The following SCAF1 variants were observed in gnomAD, a reference collection of about 807,000 sequenced individuals.
The protein encoded by SCAF1 is SR-related CTD associated factor 1.
In SCAF1, 28 loss-of-function variants were observed where a neutral mutation model predicts 91.2. The ratio of observed to expected loss-of-function variants is 0.31; its 90% CI spans 0.23 to 0.42. The LOEUF (loss-of-function observed/expected upper bound fraction) is 0.42. Among genes scored for constraint, SCAF1 ranks in the 10% least tolerant of loss-of-function variants. The probability of loss-of-function intolerance (pLI) is 1.00; values close to 1 mark genes in which losing one functional copy is unlikely to be tolerated. For missense variants in SCAF1, 1,893 were observed against 1,872.1 expected, an observed-to-expected ratio of 1.01 and a Z score of -0.21; for synonymous variants, 1,036 against 833.7, an observed-to-expected ratio of 1.24 and a Z score of -4.18.
Position 49,652,869 on chromosome 19 carries a change from C to T in SCAF1, c.2480C>T (p.Ser827Phe). ...TCTTCATCCTCGTCGTCCTCCTGTTCTTCCCGGAAGGTGAAGCTGCAGTCC... is the reference window on the plus strand; with the variant it reads ...TCTTCATCCTCGTCGTCCTCCTGTTTTTCCCGGAAGGTGAAGCTGCAGTCC... ...SGSSSSSSSC[S>F]SRKVKLQSKV... The change falls in exon 7 of 11, where the codon TCT becomes TTT. Residue 827 changes from serine (S) to phenylalanine (F), a missense_variant. Ser to Phe is a radical substitution (Grantham distance 155). Around this residue, in one of 5 missense-constraint regions of SCAF1, gnomAD observed 1,436 missense variants for 1,306.8 expected, o/e 1.10. Transcript: ENST00000360565. The T allele has an allele frequency of 1.2e-6, 2 of 1,614,074 alleles. No homozygotes were observed. The highest frequency in any genetic ancestry group is 1.1e-5 in the South Asian group (1 of 91,074).
chr19:49,651,916 C>CGCT lies in SCAF1; in HGVS notation c.1532_1534dup (p.Ala511dup). On this transcript the variant is annotated inframe_insertion, in exon 7 of 11. Coordinates refer to ENST00000360565, the MANE Select transcript of SCAF1 (RefSeq NM_021228.3). ...CGGCGCCCGCGCCCGCCCCGGCCGC[C>CGCT]GCTGCTGGTCCGCCCACGCGCAAGA... 1 of 1,153,154 alleles carries CGCT rather than the reference C, an allele frequency of 8.7e-7. No individual in the cohort carries two copies. The highest frequency in any genetic ancestry group is 2.2e-5 in the South Asian group (1 of 44,570). 71.4% of individuals were successfully genotyped at this position (1,153,154 alleles called of 1,614,324 possible).
rs763780853 is a variant in SCAF1, at chr19:49,646,657, G to T, written c.362+31G>T. 7 of 1,613,008 alleles carry T rather than the reference G, an allele frequency of 4.3e-6. No individual in the cohort carries two copies. In the South Asian group the frequency reaches 6.6e-5, roughly 15 times the overall value. ...TAGCTGGGCAGCTGGAGTGGGAGAG[G>T]CCTCAGCGTGAGAGCCAGAAGCACC... On this transcript the variant is annotated intron_variant, in intron 5 of 10. Transcript: ENST00000360565. This position sits in a 1 kb window ranked among gnomAD's most constrained non-coding sequence, Gnocchi z 5.6.
chr19:49,652,137 C>A lies in SCAF1; in HGVS notation c.1748C>A (p.Thr583Asn), dbSNP rs896654182. The change falls in exon 7 of 11, where the codon ACC becomes AAC. Residue 583 changes from threonine (T) to asparagine (N), a missense_variant. Physicochemically the swap from Thr to Asn is moderately conservative, Grantham distance 65 (BLOSUM62 0). This residue lies in a region of SCAF1 where 1,436 missense variants were observed against 1,306.8 expected (regional missense o/e 1.10). Transcript: ENST00000360565. ...CGCTCCCGCTCCCGCTCCCGCTCCA[C>A]CCGCCGCCGCTCGCGCAGCACCGAC... ...RSRSRSRSRS[T>N]RRRSRSTDRR... is the part of the protein sequence containing the mutation. The A allele has an allele frequency of 4.6e-6, 5 of 1,094,416 alleles. No homozygotes were observed. Among genetic ancestry groups the A allele is most frequent in the South Asian group, 2.4e-5 (1 of 41,032 alleles). The allele number at this position is 1,094,416 out of a possible 1,614,324, so 67.8% of individuals were successfully genotyped here. A position where few individuals can be genotyped will look rare whatever the true frequency, so the allele number is the denominator to read the frequency against.
At position 49,652,624 on chromosome 19, in the gene SCAF1, G is replaced by A; in HGVS notation, c.2235G>A (p.Lys745=). The A allele has an allele frequency of 1.3e-6, 2 of 1,563,510 alleles. No individual in the cohort carries two copies. The highest frequency in any genetic ancestry group is 1.7e-6 in the Non-Finnish European group (2 of 1,154,096). ...EGLSGEERGG[K]SSQKDRRRSG... The stretch of plus-strand genomic sequence containing the variant: ...TGAGCGGCGAGGAGCGGGGCGGCAA[G>A]AGCAGCCAGAAGGATCGGCGCCGCT... The change falls in exon 7 of 11, where the codon AAG becomes AAA. Residue 745 remains lysine (K), a synonymous_variant. Coordinates refer to ENST00000360565, the MANE Select transcript of SCAF1 (RefSeq NM_021228.3).
At chr19:49,654,215 G>A in intron 7 of SCAF1, 134 bp from the exon 8 acceptor site, 1 of 726,818 alleles carries the variant, frequency 1.4e-6, no homozygotes, top group South Asian at 1.8e-5. Flanking sequence ...CCTTTTCCCA[G>A]TTCTGAGCGT....
chr19:49,654,811 G>A lies in SCAF1; in HGVS notation c.3559G>A (p.Ala1187Thr). 6.2e-7 allele frequency: 1 copy of A among 1,612,508 alleles called. No homozygotes were observed. The highest frequency in any genetic ancestry group is 8.5e-7 in the Non-Finnish European group (1 of 1,179,298). Residue 1187 changes from alanine to threonine, a missense_variant, in exon 9 of 11, where the codon GCC (alanine) becomes ACC (threonine). Around this residue, in one of 5 missense-constraint regions of SCAF1, gnomAD observed 1,436 missense variants for 1,306.8 expected, o/e 1.10. Coordinates refer to ENST00000360565, the MANE Select transcript of SCAF1 (RefSeq NM_021228.3). Reference protein sequence around the residue: ...STPPTPTGLAATSDKREGSSS... With the variant: ...STPPTPTGLATTSDKREGSSS... ...CCCCCCCACCCCCACCGGGCTGGCT[G>A]CCACGTCTGACAAGAGAGAGGGCAG... is the stretch of plus-strand genomic sequence containing the variant.
Position 49,650,854 on chromosome 19 carries a change from C to G in SCAF1, c.479-14C>G, listed in dbSNP as rs559964552. 1 of 1,602,066 alleles carries G rather than the reference C, an allele frequency of 6.2e-7. No individual in the cohort carries two copies. The highest frequency in any genetic ancestry group is 1.3e-5 in the African/African-American group (1 of 74,708). On this transcript the variant is annotated splice_polypyrimidine_tract_variant and intron_variant, in intron 6 of 10. Transcript: ENST00000360565. Reference sequence around the variant, plus strand: ...AAAGGCCCTGACCGCCTCTCTCTCCCTGTTCCTTTGCAGTTTCTCCACAGT... The same window carrying G: ...AAAGGCCCTGACCGCCTCTCTCTCCGTGTTCCTTTGCAGTTTCTCCACAGT...
At chr19:49,648,303 G>C (rs1016357316) in intron 6 of SCAF1, among the ~76,000 whole-genome samples, 8 of 151,888 alleles carry the variant, frequency 5.3e-5, no homozygotes, top group African/African-American at 1.9e-4. Context: ...GTAGAGGTAG[G>C]GTTTCACTGT....
chr19:49,657,718 C>G (rs753445942), intron 9 of SCAF1, 43 bp from the exon 10 acceptor site: 12 of 1,567,320 alleles, frequency 7.7e-6, no homozygotes, highest in South Asian at 1.2e-5. Context: ...CAGGTACTCA[C>G]TGGCCCTTGC....
Position 49,652,532 on chromosome 19 carries a change from C to A in SCAF1, c.2143C>A (p.Pro715Thr), listed in dbSNP as rs754301754. 3 of 1,568,276 alleles carry A rather than the reference C, an allele frequency of 1.9e-6. No individual in the cohort carries two copies. In the Admixed American group the frequency reaches 5.5e-5, roughly 29 times the overall value. The change falls in exon 7 of 11, where the codon CCC becomes ACC. Residue 715 changes from proline (P) to threonine (T), a missense_variant. Pro to Thr is a conservative substitution (Grantham distance 38, BLOSUM62 -1). Transcript: ENST00000360565. ...GGTGGGCCGGCTTGACAAGTCCGAC[C>A]CCCGAGGACCCTCTCCTGCTCCGGC... ...ITVGRLDKSDPRGPSPAPASS... is the reference protein window; with the variant it reads ...ITVGRLDKSDTRGPSPAPASS...
rs888049307 is a variant in SCAF1, at chr19:49,646,917, A to G, written c.478+87A>G. On this transcript the variant is annotated intron_variant, in intron 6 of 10. Transcript: ENST00000360565. The surrounding 1 kb of genome is among the most constrained non-coding windows in gnomAD (Gnocchi z 5.6). ...TTTGGTAGTGATGGTAGCGGTGATCATGTTATTTAGACAAAACCTTTCCCT... is the reference window on the plus strand; with the variant it reads ...TTTGGTAGTGATGGTAGCGGTGATCGTGTTATTTAGACAAAACCTTTCCCT... 73 of 975,360 alleles carry G rather than the reference A, an allele frequency of 7.5e-5. No individual in the cohort carries two copies. Among genetic ancestry groups the G allele is most frequent in the South Asian group, 2.9e-4 (18 of 61,806 alleles). The allele number at this position is 975,360 out of a possible 1,614,324, so 60.4% of individuals were successfully genotyped here.
Position 49,642,636 on chromosome 19 carries a change from G to A in SCAF1, c.-7+394G>A, listed in dbSNP as rs2081033655. 6.6e-6 allele frequency: 1 copy of A among 152,404 alleles called. No homozygotes were observed. The highest frequency in any genetic ancestry group is 2.4e-5 in the African/African-American group (1 of 41,464). The allele number at this position is 152,404 out of a possible 1,614,324, so 9.4% of individuals were successfully genotyped here. On this transcript the variant is annotated intron_variant, in intron 1 of 10. Coordinates refer to ENST00000360565, the MANE Select transcript of SCAF1 (RefSeq NM_021228.3). This position sits in a 1 kb window ranked among gnomAD's most constrained non-coding sequence, Gnocchi z 4.0. ...TTCTGGGGCCATCTTGAGATCTTGA[G>A]ATATGTCCCAGGGGTGAAGGAGGGT... is the stretch of plus-strand genomic sequence containing the variant.
intron 8 of SCAF1, 45 bp downstream of exon 8, chr19:49,654,476 C>G: frequency 6.3e-7 from 1 of 1,577,546 alleles, no homozygotes; most frequent in Non-Finnish European, 8.7e-7. Context: ...TTCTTTTGTC[C>G]ATTGCCTCGG....
At position 49,645,680 on chromosome 19, in the gene SCAF1, T is replaced by C. The variant is rs1292503432; in HGVS notation, c.166+269T>C. On this transcript the variant is annotated intron_variant, in intron 3 of 10. Transcript: ENST00000360565. This position sits in a 1 kb window ranked among gnomAD's most constrained non-coding sequence, Gnocchi z 4.6. ...GGGCACCTTCCCCGAGCAGGGACAG[T>C]GAACGGCTCTCTAAGGACCTAGAAG... Among the ~76,000 whole-genome samples, 1 of 152,138 alleles carries C rather than the reference T, an allele frequency of 6.6e-6. No individual in the cohort carries two copies. Among genetic ancestry groups the C allele is most frequent in the Non-Finnish European group, 1.5e-5 (1 of 68,012 alleles).
intron 8 of SCAF1, 54 bp downstream of exon 8, chr19:49,654,485 G>T: frequency 6.4e-7 from 1 of 1,555,188 alleles, no homozygotes; most frequent in East Asian, 2.3e-5. Flanking sequence ...CCATTGCCTC[G>T]GGTTAGGAGA....
Position 49,648,563 on chromosome 19 carries a change from C to G in SCAF1, c.478+1733C>G, listed in dbSNP as rs536557598. Among the ~76,000 whole-genome samples, 52 of 150,204 alleles carry G rather than the reference C, an allele frequency of 3.5e-4. 2 individuals carry two copies. The highest frequency in any genetic ancestry group is 6.6e-4 in the African/African-American group (27 of 40,752). On this transcript the variant is annotated intron_variant, in intron 6 of 10. Coordinates refer to ENST00000360565, the MANE Select transcript of SCAF1 (RefSeq NM_021228.3). ...CATGAGCCACCATGCCTGCCACACC[C>G]CCCCCCCTTTTTTTTTAACAGCTGG...
rs1462341653 is a variant in SCAF1 at position 49,652,551 on chromosome 19, C to T, written c.2162C>T (p.Ala721Val). 1 of 1,564,614 alleles carries T rather than the reference C, an allele frequency of 6.4e-7. No homozygotes were observed. ...DKSDPRGPSP[A>V]PASSPKREVL... ...TCCGACCCCCGAGGACCCTCTCCTGCTCCGGCCTCCTCACCTAAGCGGGAG... is the reference window on the plus strand; with the variant it reads ...TCCGACCCCCGAGGACCCTCTCCTGTTCCGGCCTCCTCACCTAAGCGGGAG... The change falls in exon 7 of 11, where the codon GCT (alanine) becomes GTT (valine). Residue 721 changes from alanine (A) to valine (V), a missense_variant. By Grantham distance (64) the Ala-to-Val change is moderately conservative. Transcript: ENST00000360565.
chr19:49,654,213 C>T, intron 7 of SCAF1, 136 bp from the exon 8 acceptor site: 1 of 709,744 alleles, frequency 1.4e-6, no homozygotes, highest in Non-Finnish European at 2.4e-6. Flanking sequence ...CCCCTTTTCC[C>T]AGTTCTGAGC....
Position 49,642,272 on chromosome 19 carries a change from G to T in SCAF1, c.-7+30G>T, listed in dbSNP as rs2081030799. 2 of 152,154 alleles carry T rather than the reference G, an allele frequency of 1.3e-5. No homozygotes were observed. The highest frequency in any genetic ancestry group is 4.1e-4 in the South Asian group (2 of 4,832). The allele number at this position is 152,154 out of a possible 1,614,324, so 9.4% of individuals were successfully genotyped here. A position where few individuals can be genotyped will look rare whatever the true frequency, so the allele number is the denominator to read the frequency against. On this transcript the variant is annotated intron_variant, in intron 1 of 10. Coordinates refer to ENST00000360565, the MANE Select transcript of SCAF1 (RefSeq NM_021228.3). This position sits in a 1 kb window ranked among gnomAD's most constrained non-coding sequence, Gnocchi z 4.0. ...GATGGCGGCGGCAGTCCGGGCCGCGGGGCTCGGGCCTATTGGGGTGGGCGG... is the reference window on the plus strand; with the variant it reads ...GATGGCGGCGGCAGTCCGGGCCGCGTGGCTCGGGCCTATTGGGGTGGGCGG...
Sources: allele counts gnomAD v4.1 joint callset (sites outside exome capture counted in the v4.1 genomes callset), GRCh38; gene constraint gnomAD v4.1.1; regional missense constraint gnomAD v4.1.1; non-coding constraint Gnocchi (gnomAD v3.1); transcripts MANE v1.5; gene names NCBI Gene and HGNC (gene_info 2026-07-23, HGNC 2026-07-21).